UBR3: variants seen among roughly 807,000 people sequenced by gnomAD.
UBR3 encodes E3 ubiquitin-protein ligase UBR3.
Under a neutral mutation model 243.2 loss-of-function variants are expected in UBR3, and 85 were observed. The observed-to-expected ratio is 0.35, with a 90% CI of 0.29 to 0.42. The LOEUF is 0.42. Among genes scored for constraint, UBR3 ranks in the 10% least tolerant of loss-of-function variants. The pLI is 1.00. For missense variants in UBR3, 1,686 were observed against 2,300.8 expected, an observed-to-expected ratio of 0.73 and a Z score of 5.47; for synonymous variants, 748 against 799.8, an observed-to-expected ratio of 0.94 and a Z score of 1.09.
At chr2:169,852,647 AGGTTGACCAACGG>A (rs1038633314) in intron 1 of UBR3, among the ~76,000 whole-genome samples, 1 of 150,932 alleles carries the variant, frequency 6.6e-6, no homozygotes, top group Non-Finnish European at 1.5e-5. Flanking sequence ...ATTTGAGACC[AGGTTGACCAACGG>A]GGTGAAGCCC....
rs552895390 is a variant in UBR3 at position 169,866,370 on chromosome 2, G to T, written c.546-5866G>T. On this transcript the variant is annotated intron_variant, in intron 1 of 38. Coordinates refer to ENST00000272793, the MANE Select transcript of UBR3 (RefSeq NM_172070.4). ...CTGGAAGAAGTTTTTTTGTTTTTTT[G>T]TTTTTTTTTTTGAGATGAAGTCTTG... Among the ~76,000 whole-genome samples, 948 of 141,362 alleles carry T rather than the reference G, an allele frequency of 6.7e-3. 19 individuals carry two copies. Among genetic ancestry groups the T allele is most frequent in the African/African-American group, 0.023 (885 of 38,652 alleles). 92.7% of individuals were successfully genotyped at this position (141,362 alleles called of 152,430 possible). A position where few individuals can be genotyped will look rare whatever the true frequency, so the allele number is the denominator to read the frequency against.
intron 35 of UBR3, among the ~76,000 whole-genome samples, chr2:170,068,381 T>A (rs566704270): frequency 6.6e-6 from 1 of 152,154 alleles, no homozygotes; most frequent in East Asian, 1.9e-4. Flanking sequence ...GGCAGGAGAA[T>A]CACTTGAACT....
rs2084601449 is a variant in UBR3, at chr2:169,896,522, A to G, written c.1252A>G (p.Thr418Ala). 2 of 1,522,408 alleles carry G rather than the reference A, an allele frequency of 1.3e-6. No homozygotes were observed. Among genetic ancestry groups the G allele is most frequent in the African/African-American group, 2.8e-5 (2 of 72,340 alleles). The allele number at this position is 1,522,408 out of a possible 1,614,324, so 94.3% of individuals were successfully genotyped here. A position where few individuals can be genotyped will look rare whatever the true frequency, so the allele number is the denominator to read the frequency against. ...DQEYKVAFTK[T>A]FVQHYAFIMK... ...ATGTTTACAGGTTGCTTTTACAAAA[A>G]CTTTTGTTCAGCATTATGCTTTCAT... is the stretch of plus-strand genomic sequence containing the variant. Residue 418 changes from threonine (T) to alanine (A), a missense_variant, in exon 8 of 39, where the codon ACT (threonine) becomes GCT (alanine). By Grantham distance (58) the Thr-to-Ala change is moderately conservative. Transcript: ENST00000272793.
rs1330572834 is a variant in UBR3, at chr2:170,010,720, A to T, written c.4367+1780A>T. Among the ~76,000 whole-genome samples, 3 of 152,334 alleles carry T rather than the reference A, an allele frequency of 2.0e-5. No individual in the cohort carries two copies. The East Asian group carries it at 5.8e-4, about 29-fold the overall frequency. ...CTTCCCCCATCCTTTTCTGAAACTT[A>T]ATAAATTCTAAAGCAGCAAAACAAT... On this transcript the variant is annotated intron_variant, in intron 29 of 38. Transcript: ENST00000272793.
intron 1 of UBR3, among the ~76,000 whole-genome samples, chr2:169,853,825 G>A (rs775309630): frequency 6.6e-6 from 1 of 150,950 alleles, no homozygotes; most frequent in Non-Finnish European, 1.5e-5. Context: ...ATGCATTTGT[G>A]TTTGTTGTTT....
intron 24 of UBR3, among the ~76,000 whole-genome samples, chr2:169,963,385 C>T (rs769936667): frequency 2.3e-4 from 35 of 152,164 alleles, no homozygotes; most frequent in Non-Finnish European, 3.7e-4. Context: ...GTCATCATGT[C>T]TCTTTCTCCT....
chr2:169,864,517 A>G (rs1033779559), intron 1 of UBR3, among the ~76,000 whole-genome samples: 4 of 151,784 alleles, frequency 2.6e-5, no homozygotes, highest in African/African-American at 9.7e-5. Flanking sequence ...TAATCCCAGC[A>G]CTTTGGGAGG....
At chr2:170,027,583 C>T (rs554454018) in intron 30 of UBR3, among the ~76,000 whole-genome samples, 3 of 151,814 alleles carry the variant, frequency 2.0e-5, no homozygotes, top group Admixed American at 2.0e-4. Flanking sequence ...GATGATCCAC[C>T]TTCATCTTGG....
At chr2:169,922,950 G>A (rs1043411698) in intron 11 of UBR3, among the ~76,000 whole-genome samples, 26 of 152,112 alleles carry the variant, frequency 1.7e-4, no homozygotes, top group Admixed American at 3.3e-4. Flanking sequence ...ATATACATTA[G>A]CATAATTATC....
At chr2:169,872,171 A>G in intron 1 of UBR3, 65 bp from the exon 2 acceptor site, 1 of 1,150,212 alleles carries the variant, frequency 8.7e-7, no homozygotes, top group East Asian at 2.8e-5. Context: ...AATATTGTAA[A>G]TAGAAATAAT....
chr2:169,969,262 T>C (rs1439655249), intron 24 of UBR3, among the ~76,000 whole-genome samples: 1 of 152,198 alleles, frequency 6.6e-6, no homozygotes, highest in African/African-American at 2.4e-5. Context: ...AAAAAATCTT[T>C]ACTCAGACCA....
intron 24 of UBR3, among the ~76,000 whole-genome samples, chr2:169,976,183 T>C (rs2088431956): frequency 6.6e-6 from 1 of 152,136 alleles, no homozygotes; most frequent in Non-Finnish European, 1.5e-5. Flanking sequence ...TTCAAGTTTA[T>C]TATTGATAGA....
Position 169,891,170 on chromosome 2 carries a change from T to G in UBR3, c.1044T>G (p.Asp348Glu). The G allele has an allele frequency of 6.5e-7, 1 of 1,549,080 alleles. No individual in the cohort carries two copies. Among genetic ancestry groups the G allele is most frequent in the Middle Eastern group, 1.7e-4 (1 of 5,974 alleles). ...LGQVDSSDED[D>E]QDGSQGLGKR... is the part of the protein sequence containing the mutation. ...CTAATATTATTTTCCTTCAGGATGA[T>G]CAGGATGGTAGTCAAGGTCTGGGCA... Residue 348 changes from aspartate to glutamate, a missense_variant, in exon 6 of 39, where the codon GAT becomes GAG. Coordinates refer to ENST00000272793, the MANE Select transcript of UBR3 (RefSeq NM_172070.4).
chr2:170,031,692 G>A (rs2090675435), intron 31 of UBR3, among the ~76,000 whole-genome samples: 1 of 151,984 alleles, frequency 6.6e-6, no homozygotes, highest in South Asian at 2.1e-4. Flanking sequence ...CCCTCTTCTA[G>A]TAGTCCTCAG....
At position 170,029,362 on chromosome 2, in the gene UBR3, A is replaced by G. The variant is rs1246614569; in HGVS notation, c.4470A>G (p.Val1490=). ...TTTTTTCAGATCAGCTGTTTCATGTATTAGCCTTGCACATGCGGCTTTATA... is the reference window on the plus strand; with the variant it reads ...TTTTTTCAGATCAGCTGTTTCATGTGTTAGCCTTGCACATGCGGCTTTATA... The part of the protein sequence containing the change: ...KRSCLNQLFH[V]LALHMRLYSI... The change falls in exon 31 of 39, where the codon GTA becomes GTG. Residue 1490 remains valine, a synonymous_variant. Transcript: ENST00000272793. 3 of 1,608,646 alleles carry G rather than the reference A, an allele frequency of 1.9e-6. No homozygotes were observed. Among genetic ancestry groups the G allele is most frequent in the Admixed American group, 3.4e-5 (2 of 59,310 alleles).
chr2:169,988,210 A>G (rs1015237448), intron 25 of UBR3, among the ~76,000 whole-genome samples: 9 of 152,232 alleles, frequency 5.9e-5, no homozygotes, highest in Admixed American at 2.0e-4. Context: ...ATTAAATACT[A>G]TATAGTTATC....
intron 6 of UBR3, among the ~76,000 whole-genome samples, chr2:169,892,461 C>T (rs772892339): frequency 2.2e-4 from 34 of 152,156 alleles, no homozygotes; most frequent in Non-Finnish European, 4.4e-4. Flanking sequence ...ACTTTTTATG[C>T]AGACTTAAGT....
chr2:169,831,934 C>T (rs768581350), intron 1 of UBR3, among the ~76,000 whole-genome samples: 4 of 152,146 alleles, frequency 2.6e-5, no homozygotes, highest in Non-Finnish European at 5.9e-5. Context: ...AGGAAGGATT[C>T]CTTTTTTTCA....
At position 170,034,015 on chromosome 2, in the gene UBR3, TTG is replaced by T. The variant is rs869103462; in HGVS notation, c.4556+4569_4556+4570del. ...ACAATTATTTTTTAAAGACTTTGGT[TTG>T]TTTTTTTTTTTAGAGCAATTTTAGA... On this transcript the variant is annotated intron_variant, in intron 31 of 38. Transcript: ENST00000272793. Among the ~76,000 whole-genome samples, 405 of 72,114 alleles carry T rather than the reference TTG, an allele frequency of 5.6e-3. 1 individual carries two copies. The highest frequency in any genetic ancestry group is 0.023 in the South Asian group (34 of 1,506). The allele number at this position is 72,114 out of a possible 152,430, so 47.3% of individuals were successfully genotyped here. A position where few individuals can be genotyped will look rare whatever the true frequency, so the allele number is the denominator to read the frequency against.
Sources: allele counts gnomAD v4.1 joint callset (sites outside exome capture counted in the v4.1 genomes callset), GRCh38; gene constraint gnomAD v4.1.1; transcripts MANE v1.5; gene names NCBI Gene and HGNC (gene_info 2026-07-23, HGNC 2026-07-21).